Variants in IBTK observed in about 807,000 individuals in gnomAD.
IBTK encodes the protein inhibitor of Bruton tyrosine kinase.
IBTK carries 83 observed loss-of-function variants against 154.9 expected under a neutral mutation model. The observed-to-expected ratio is 0.54, with a 90% CI of 0.45 to 0.64. The LOEUF (loss-of-function observed/expected upper bound fraction) is 0.64, where lower values mean the gene tolerates loss of function less well. Among genes scored for constraint, IBTK ranks in the 30% least tolerant of loss-of-function variants. IBTK has a pLI of 0.00. For missense variants in IBTK, 1,332 were observed against 1,584.6 expected (o/e 0.84, Z 2.71); for synonymous variants, 515 against 536.1 (o/e 0.96, Z 0.54).
chr6:82,178,952 G>A (rs1238703514), intron 26 of IBTK, among the ~76,000 whole-genome samples: 1 of 152,268 alleles, frequency 6.6e-6, no homozygotes, highest in Non-Finnish European at 1.5e-5. Flanking sequence ...GCCAGACTAT[G>A]TAGGCCTTGA....
In IBTK at chr6:82,234,255, G is replaced by GT; in HGVS notation, c.322-1_322insA (p.His108ThrfsTer4). 2.1e-6 allele frequency: 3 copies of GT among 1,447,952 alleles called. No individual in the cohort carries two copies. The highest frequency in any genetic ancestry group is 2.0e-5 in the Admixed American group (1 of 48,852). 89.7% of individuals were successfully genotyped at this position (1,447,952 alleles called of 1,614,324 possible). ...TCTTGAATATACAGACTAACACCAT[G>GT]CTAAAACAAACAAACAAACAAATAC... On this transcript the variant is annotated frameshift_variant and splice_region_variant. Transcript: ENST00000306270. LOFTEE classifies it high-confidence loss of function.
rs1012863851 is a variant in IBTK at position 82,247,633 on chromosome 6, G to A, written c.-429C>T. ...AGAGCCACAAAGGGACTCATCCTCA[G>A]TGAAGGCAATAAGAGAAACCGAACG... is the stretch of plus-strand genomic sequence containing the variant. On this transcript the variant is annotated 5_prime_UTR_variant, in exon 1 of 29. Coordinates refer to ENST00000306270, the MANE Select transcript of IBTK (RefSeq NM_015525.4). 1 of 398,724 alleles carries A rather than the reference G, an allele frequency of 2.5e-6. No homozygotes were observed. Among genetic ancestry groups the A allele is most frequent in the Non-Finnish European group, 4.4e-6 (1 of 226,232 alleles). 24.7% of individuals were successfully genotyped at this position (398,724 alleles called of 1,614,324 possible).
intron 26 of IBTK, among the ~76,000 whole-genome samples, chr6:82,179,467 T>C (rs1768232706): frequency 6.6e-6 from 1 of 152,206 alleles, no homozygotes; most frequent in Non-Finnish European, 1.5e-5. Context: ...GGGCAAGAGA[T>C]ATAAATTTTG....
At chr6:82,181,833 A>C in intron 26 of IBTK, 46 bp downstream of exon 26, 2 of 1,346,242 alleles carry the variant, frequency 1.5e-6, no homozygotes, top group Non-Finnish European at 2.0e-6. Flanking sequence ...CCACCACAGA[A>C]TATTTTAAGG....
chr6:82,172,386 CAG>C lies in IBTK; in HGVS notation c.3922_3923del (p.Leu1308AspfsTer4). 7 of 1,612,956 alleles carry C rather than the reference CAG, an allele frequency of 4.3e-6. No homozygotes were observed. The highest frequency in any genetic ancestry group is 5.9e-6 in the Non-Finnish European group (7 of 1,179,608). On this transcript the variant is annotated frameshift_variant, in exon 28 of 29. Coordinates refer to ENST00000306270, the MANE Select transcript of IBTK (RefSeq NM_015525.4). LOFTEE classifies it high-confidence loss of function. Reference sequence around the variant, plus strand: ...TACTAAGTATGTTATTTACCTGAATCAGAGCCAACGGTTTTTCTCGACTTCTA... The same window carrying C: ...TACTAAGTATGTTATTTACCTGAATCAGCCAACGGTTTTTCTCGACTTCTA... ...LIRSREKPLA[L>X]IQIEEHAIQD...
Position 82,212,700 on chromosome 6 carries a change from T to TA in IBTK, c.2291+6dup. 1 of 1,536,776 alleles carries TA rather than the reference T, an allele frequency of 6.5e-7. No individual in the cohort carries two copies. Among genetic ancestry groups the TA allele is most frequent in the Non-Finnish European group, 9.0e-7 (1 of 1,109,998 alleles). On this transcript the variant is annotated splice_region_variant and intron_variant, in intron 13 of 28. Transcript: ENST00000306270. ...CATGAAATGTTAATCTTCCTTTCCTTACTTACCATTTTTTCTGACTTAGCT... is the reference window on the plus strand; with the variant it reads ...CATGAAATGTTAATCTTCCTTTCCTTAACTTACCATTTTTTCTGACTTAGCT...
chr6:82,231,101 C>T (rs996443539), intron 4 of IBTK, among the ~76,000 whole-genome samples: 1 of 152,058 alleles, frequency 6.6e-6, no homozygotes, highest in Admixed American at 6.5e-5. Flanking sequence ...AGTGTGAATA[C>T]AAATAATTAA....
chr6:82,185,696 CATA>C (rs1192820621), intron 25 of IBTK, among the ~76,000 whole-genome samples: 1 of 151,812 alleles, frequency 6.6e-6, no homozygotes, highest in Non-Finnish European at 1.5e-5. Context: ...GTGGCTATCT[CATA>C]ATTTTATAAT....
intron 10 of IBTK, 125 bp from the exon 11 acceptor site, chr6:82,216,375 T>A (rs1174000576): frequency 3.1e-6 from 2 of 649,316 alleles, no homozygotes; most frequent in Non-Finnish European, 5.1e-6. Flanking sequence ...ATATTCAGTG[T>A]TTTTGAAGAA....
chr6:82,200,571 A>G lies in IBTK; in HGVS notation c.2912+16T>C, dbSNP rs1199721745. 1 of 1,517,486 alleles carries G rather than the reference A, an allele frequency of 6.6e-7. No homozygotes were observed. Among genetic ancestry groups the G allele is most frequent in the South Asian group, 1.3e-5 (1 of 78,914 alleles). The allele number at this position is 1,517,486 out of a possible 1,614,324, so 94.0% of individuals were successfully genotyped here. On this transcript the variant is annotated intron_variant, in intron 20 of 28. Transcript: ENST00000306270. The stretch of plus-strand genomic sequence containing the variant: ...AGAAAAGGAGGAAAAGAAAAAAAAA[A>G]AAGAAAACAGCTTACGAATGATTTT...
In IBTK at chr6:82,182,403, C is replaced by T. The variant is rs367758378; in HGVS notation, c.3576-375G>A. Among the ~76,000 whole-genome samples the T allele has an allele frequency of 1.1e-3, 165 of 151,610 alleles. 1 individual carries two copies. The Middle Eastern group carries it at 0.014, about 13-fold the overall frequency. On this transcript the variant is annotated intron_variant, in intron 25 of 28. Transcript: ENST00000306270. ...AATTTTTAATATATTTTTAAAAATT[C>T]ACTGTATAGATGGAAGAGTCGGTAA... is the stretch of plus-strand genomic sequence containing the variant.
Position 82,214,749 on chromosome 6 carries a change from T to C in IBTK, c.1682A>G (p.Asp561Gly). The change falls in exon 12 of 29, where the codon GAC (aspartate) becomes GGC (glycine). Residue 561 changes from aspartate (D) to glycine (G), a missense_variant. This residue lies in a region of IBTK where 1,134 missense variants were observed against 1,274.7 expected (regional missense o/e 0.89). Coordinates refer to ENST00000306270, the MANE Select transcript of IBTK (RefSeq NM_015525.4). ...TTGAAATGTCACATCATGAATGCTGTCCATTTCATCTGCTTCCCTCAACAG... is the reference window on the plus strand; with the variant it reads ...TTGAAATGTCACATCATGAATGCTGCCCATTTCATCTGCTTCCCTCAACAG... ...GKLLREADEMDSIHDVTFQVG... is the reference protein window; with the variant it reads ...GKLLREADEMGSIHDVTFQVG... 1 of 1,614,024 alleles carries C rather than the reference T, an allele frequency of 6.2e-7. No homozygotes were observed. Among genetic ancestry groups the C allele is most frequent in the Non-Finnish European group, 8.5e-7 (1 of 1,179,966 alleles).
At chr6:82,234,011 G>A (rs1171137545) in intron 3 of IBTK, 148 bp downstream of exon 3, 1 of 384,588 alleles carries the variant, frequency 2.6e-6, no homozygotes, top group Non-Finnish European at 4.8e-6. Flanking sequence ...TTACAGGTGT[G>A]AGCCGCAGCG....
chr6:82,224,270 T>C (rs1770213923), intron 6 of IBTK, 85 bp from the exon 7 acceptor site: 1 of 923,048 alleles, frequency 1.1e-6, no homozygotes. Flanking sequence ...CCAGCAAATA[T>C]ATGGTATACT....
chr6:82,194,580 T>A lies in IBTK; in HGVS notation c.3237A>T (p.Pro1079=), dbSNP rs780740496. 6.2e-7 allele frequency: 1 copy of A among 1,612,040 alleles called. No homozygotes were observed. Among genetic ancestry groups the A allele is most frequent in the Non-Finnish European group, 8.5e-7 (1 of 1,178,976 alleles). ...SPVYSREDLK[P]WEKSPILKIS... ...TTTTAAGTATTGGTGACTTTTCCCA[T>A]GGTTTTAAATCTTCCCTAGAATACA... is the stretch of plus-strand genomic sequence containing the variant. Residue 1079 remains proline (P), a synonymous_variant, in exon 23 of 29, where the codon CCA becomes CCT. Transcript: ENST00000306270.
rs1767887670 is a variant in IBTK, at chr6:82,170,254, CA to C, written c.*1170del. 6.6e-6 allele frequency: 1 copy of C among 152,566 alleles called. No individual in the cohort carries two copies. Among genetic ancestry groups the C allele is most frequent in the Non-Finnish European group, 1.5e-5 (1 of 68,014 alleles). 9.5% of individuals were successfully genotyped at this position (152,566 alleles called of 1,614,324 possible). On this transcript the variant is annotated 3_prime_UTR_variant, in exon 29 of 29. Transcript: ENST00000306270. ...ACACATTAGTGAAATGGATCAAGATCATTTTTTATTGCACATCTGCTTACAT... is the reference window on the plus strand; with the variant it reads ...ACACATTAGTGAAATGGATCAAGATCTTTTTTATTGCACATCTGCTTACAT...
chr6:82,186,163 T>C (rs1431993279), intron 25 of IBTK, among the ~76,000 whole-genome samples: 1 of 152,166 alleles, frequency 6.6e-6, no homozygotes, highest in African/African-American at 2.4e-5. Flanking sequence ...CAATTGGCAG[T>C]TCTCCCATCT....
chr6:82,212,729 G>A lies in IBTK; in HGVS notation c.2269C>T (p.Leu757=). The A allele has an allele frequency of 1.3e-6, 2 of 1,594,828 alleles. No homozygotes were observed. The highest frequency in any genetic ancestry group is 1.7e-6 in the Non-Finnish European group (2 of 1,162,936). Residue 757 remains leucine (L), a synonymous_variant, in exon 13 of 29, where the codon CTG becomes TTG. Transcript: ENST00000306270. The part of the protein sequence containing the change: ...NVIAKNTGNK[L]KLSQKKCSFL... ...TACCATTTTTTCTGACTTAGCTTCA[G>A]TTTATTACCAGTGTTCTTGGCAATA...
At chr6:82,173,113 T>C (rs764637966) in intron 27 of IBTK, 6 of 280,976 alleles carry the variant, frequency 2.1e-5, no homozygotes, top group Non-Finnish European at 4.0e-5. Flanking sequence ...ACGATTCTCC[T>C]GTCCTAGCTT....
Sources: gnomAD v4.1 joint callset for allele counts (sites outside exome capture counted in the v4.1 genomes callset) on GRCh38, gnomAD v4.1.1 for gene constraint, gnomAD v4.1.1 regional missense constraint, MANE v1.5 for transcripts, NCBI Gene and HGNC (gene_info 2026-07-23, HGNC 2026-07-21) for gene names.